DLGAP2: variants seen among roughly 807,000 people sequenced by gnomAD.
The protein encoded by DLGAP2 is DLG associated protein 2.
In DLGAP2, 26 loss-of-function variants were observed where a neutral mutation model predicts 100.3. That is an observed-to-expected ratio of 0.26 (90% CI 0.19 to 0.36). The LOEUF is 0.36. DLGAP2 is among the 10% of genes least tolerant of loss of function. The pLI, the probability that DLGAP2 is intolerant of heterozygous loss-of-function variation, is 1.00. For synonymous variants in DLGAP2, 886 were observed against 630.1 expected, an observed-to-expected ratio of 1.41 and a Z score of -6.08; for missense variants, 1,858 against 1,453.2, an observed-to-expected ratio of 1.28 and a Z score of -4.53.
At chr8:878,467 A>C (rs1453154346) in intron 1 of DLGAP2, among the ~76,000 whole-genome samples, 1 of 152,190 alleles carries the variant, frequency 6.6e-6, no homozygotes, top group African/African-American at 2.4e-5. Flanking sequence ...TGGGGACTGC[A>C]GAGCTATTGG....
chr8:833,992 G>A (rs565617225), intron 1 of DLGAP2, among the ~76,000 whole-genome samples: 1 of 152,204 alleles, frequency 6.6e-6, no homozygotes, highest in Non-Finnish European at 1.5e-5. Flanking sequence ...CAGTGGGCTC[G>A]CCCTTGTGTG....
At chr8:1,262,266 G>T (rs1029190065) in intron 3 of DLGAP2, 1 of 152,158 alleles carries the variant, frequency 6.6e-6, no homozygotes. Flanking sequence ...AATTTTAATT[G>T]TATATAAAAT....
At chr8:1,297,751 C>T (rs1407127179) in intron 3 of DLGAP2, among the ~76,000 whole-genome samples, 6 of 89,422 alleles carry the variant, frequency 6.7e-5, no homozygotes, top group African/African-American at 2.5e-4. Context: ...CCATGTGAGA[C>T]GGAGGAGAAA....
At chr8:1,160,526 C>T (rs558980264) in intron 2 of DLGAP2, among the ~76,000 whole-genome samples, 158 of 152,284 alleles carry the variant, frequency 1.0e-3, no homozygotes, top group African/African-American at 3.4e-3. Flanking sequence ...AGGACGTGGT[C>T]CACGTGTTTT....
Position 1,563,447 on chromosome 8 carries a change from G to C in DLGAP2, c.1231-2236G>C, listed in dbSNP as rs1356985022. Among the ~76,000 whole-genome samples the C allele has an allele frequency of 2.7e-4, 28 of 105,568 alleles. 3 individuals carry two copies. The highest frequency in any genetic ancestry group is 2.6e-3 in the Admixed American group (25 of 9,564). 69.3% of individuals were successfully genotyped at this position (105,568 alleles called of 152,430 possible). A position where few individuals can be genotyped will look rare whatever the true frequency, so the allele number is the denominator to read the frequency against. ...TTGGGGTGTCCGCGCCTCGTTACTG[G>C]GGGACTGTGTGGTGTTGGGGTGTCC... On this transcript the variant is annotated intron_variant, in intron 5 of 14. Coordinates refer to ENST00000637795, the MANE Select transcript of DLGAP2 (RefSeq NM_001346810.2).
chr8:1,355,895 T>C (rs1218582042), intron 3 of DLGAP2, among the ~76,000 whole-genome samples: 3 of 152,144 alleles, frequency 2.0e-5, no homozygotes, highest in Non-Finnish European at 4.4e-5. Context: ...TATAATCACC[T>C]GTTCATATTC....
Position 1,194,821 on chromosome 8 carries a change from C to T in DLGAP2, c.74-64030C>T, listed in dbSNP as rs114729081. On this transcript the variant is annotated intron_variant, in intron 2 of 14. Coordinates refer to ENST00000637795, the MANE Select transcript of DLGAP2 (RefSeq NM_001346810.2). ...ATCGTCCTCTCTGGCTTGAGGCCAC[C>T]ACTGTGACGTGTGTGGCCAGGGTTC... is the stretch of plus-strand genomic sequence containing the variant. 4.0e-3 allele frequency among the ~76,000 whole-genome samples: 613 copies of T among 152,342 alleles called. 2 individuals carry two copies. Among genetic ancestry groups the T allele is most frequent in the African/African-American group, 0.014 (590 of 41,586 alleles).
At chr8:1,349,511 G>GAGGAA (rs1801653811) in intron 3 of DLGAP2, among the ~76,000 whole-genome samples, 1 of 147,916 alleles carries the variant, frequency 6.8e-6, no homozygotes, top group Non-Finnish European at 1.5e-5. Flanking sequence ...CAGGTAGAAA[G>GAGGAA]GGGTGTTTGA....
chr8:959,473 T>C (rs1799672336), intron 2 of DLGAP2, among the ~76,000 whole-genome samples: 1 of 152,228 alleles, frequency 6.6e-6, no homozygotes, highest in Admixed American at 6.5e-5. Context: ...TGGCTTAGAA[T>C]GTGGTCTTGA....
chr8:1,000,845 G>T (rs1800934677), intron 2 of DLGAP2, among the ~76,000 whole-genome samples: 1 of 152,154 alleles, frequency 6.6e-6, no homozygotes, highest in South Asian at 2.1e-4. Context: ...TGCGATGTGT[G>T]TGGACAGGTG....
intron 2 of DLGAP2, among the ~76,000 whole-genome samples, chr8:1,186,898 T>C (rs1797516948): frequency 6.6e-6 from 1 of 152,138 alleles, no homozygotes; most frequent in Admixed American, 6.5e-5. Flanking sequence ...ATCCACCCCA[T>C]ATCCCTTAAA....
chr8:1,255,011 G>GCGCTGTGTGTGTGTCTTCTCCTGCCCAGC (rs1187656329), intron 2 of DLGAP2, among the ~76,000 whole-genome samples: 10 of 45,404 alleles, frequency 2.2e-4, no homozygotes, highest in African/African-American at 7.5e-4. Context: ...TCCTGCTTGG[G>GCGCTGTGTGTGTGTCTTCTCCTGCCCAGC]CGCTGTGTGT....
intron 2 of DLGAP2, among the ~76,000 whole-genome samples, chr8:1,051,822 C>T (rs1802721888): frequency 6.6e-6 from 1 of 152,154 alleles, no homozygotes; most frequent in African/African-American, 2.4e-5. Context: ...CCCCTCAGGG[C>T]TTAGCTCTAC....
At chr8:1,288,606 GT>G (rs1799991697) in intron 3 of DLGAP2, among the ~76,000 whole-genome samples, 1 of 142,562 alleles carries the variant, frequency 7.0e-6, no homozygotes, top group Non-Finnish European at 1.5e-5. Context: ...GTGTGTGTGT[GT>G]GGTAGGAGGG....
At chr8:914,701 G>T (rs1457078884) in intron 2 of DLGAP2, among the ~76,000 whole-genome samples, 2 of 152,226 alleles carry the variant, frequency 1.3e-5, no homozygotes, top group Non-Finnish European at 2.9e-5. Context: ...ATCTAGGTTT[G>T]TGGTTTACAG....
chr8:1,044,533 G>T (rs1249090039), intron 2 of DLGAP2, among the ~76,000 whole-genome samples: 1 of 152,174 alleles, frequency 6.6e-6, no homozygotes, highest in African/African-American at 2.4e-5. Flanking sequence ...TGCCAGTTTG[G>T]GATCAGGAGT....
At chr8:1,512,507 A>T (rs1306017870) in intron 4 of DLGAP2, among the ~76,000 whole-genome samples, 1 of 152,138 alleles carries the variant, frequency 6.6e-6, no homozygotes, top group African/African-American at 2.4e-5. Context: ...GGAAAATCAC[A>T]GCCCAGAAGA....
At chr8:834,892 C>G (rs967799486) in intron 1 of DLGAP2, among the ~76,000 whole-genome samples, 3 of 152,146 alleles carry the variant, frequency 2.0e-5, no homozygotes, top group African/African-American at 7.2e-5. Context: ...AAAACAAAAA[C>G]AAACTTTCTA....
intron 2 of DLGAP2, among the ~76,000 whole-genome samples, chr8:1,172,247 A>G (rs1797144409): frequency 6.6e-6 from 1 of 152,206 alleles, no homozygotes; most frequent in Admixed American, 6.5e-5. Context: ...TTCTGCCTAG[A>G]GATCAGCTGT....
Sources: allele counts gnomAD v4.1 joint callset (sites outside exome capture counted in the v4.1 genomes callset), GRCh38; gene constraint gnomAD v4.1.1; transcripts MANE v1.5; gene names NCBI Gene and HGNC (gene_info 2026-07-23, HGNC 2026-07-21).